The following RIMS1 variants were observed in gnomAD, a reference collection of about 807,000 sequenced individuals.
RIMS1 encodes regulating synaptic membrane exocytosis 1.
A neutral mutation model predicts 214.1 loss-of-function variants in RIMS1; 83 were observed. The ratio of observed to expected loss-of-function variants is 0.39; its 90% CI spans 0.32 to 0.47. The LOEUF (loss-of-function observed/expected upper bound fraction) is 0.47, where lower values mean the gene tolerates loss of function less well. Ranked by LOEUF, RIMS1 falls within the 20% of genes least tolerant of loss-of-function variation. The pLI, the probability that RIMS1 is intolerant of heterozygous loss-of-function variation, is 0.99. For missense variants in RIMS1, 2,050 were observed against 2,161.8 expected, an observed-to-expected ratio of 0.95 and a Z score of 1.03; for synonymous variants, 793 against 786.8, an observed-to-expected ratio of 1.01 and a Z score of -0.13.
chr6:71,991,843 C>A (rs1251344424), intron 2 of RIMS1, among the ~76,000 whole-genome samples: 1 of 152,196 alleles, frequency 6.6e-6, no homozygotes, highest in East Asian at 1.9e-4. Context: ...GTGGGTGGAT[C>A]ACCTGAGATC....
chr6:72,394,876 C>T (rs2098755545), intron 31 of RIMS1, among the ~76,000 whole-genome samples: 1 of 151,742 alleles, frequency 6.6e-6, no homozygotes, highest in South Asian at 2.1e-4. Flanking sequence ...AATGATTCAA[C>T]TAAGTAAAAA....
At chr6:72,216,479 A>G (rs998724842) in intron 6 of RIMS1, 5 of 985,338 alleles carry the variant, frequency 5.1e-6, no homozygotes, top group Middle Eastern at 5.2e-4. Context: ...TGTGTTCCCA[A>G]CAATCAATTG....
intron 1 of RIMS1, among the ~76,000 whole-genome samples, chr6:71,944,495 G>T (rs1787167694): frequency 6.6e-6 from 1 of 152,130 alleles, no homozygotes; most frequent in Admixed American, 6.6e-5. Context: ...TGAAGGCTAT[G>T]TTGAGGAAGA....
At chr6:72,145,534 C>A (rs139144170) in intron 4 of RIMS1, among the ~76,000 whole-genome samples, 11,216 of 152,186 alleles carry the variant, frequency 0.074, 464 homozygotes, top group Middle Eastern at 0.099. Context: ...ATCACTTGAA[C>A]CTGGGAGGCA....
At chr6:71,994,949 G>A (rs1802932975) in intron 2 of RIMS1, among the ~76,000 whole-genome samples, 1 of 152,158 alleles carries the variant, frequency 6.6e-6, no homozygotes, top group African/African-American at 2.4e-5. Flanking sequence ...CTAGTCTTCA[G>A]CAAAGAAATT....
intron 1 of RIMS1, among the ~76,000 whole-genome samples, chr6:71,912,897 A>G (rs1392928251): frequency 2.0e-5 from 3 of 152,192 alleles, no homozygotes; most frequent in East Asian, 1.9e-4. Flanking sequence ...ACAAAAGACC[A>G]ATACCTTTAT....
At chr6:72,149,281 A>C (rs2043182315) in intron 4 of RIMS1, among the ~76,000 whole-genome samples, 1 of 152,174 alleles carries the variant, frequency 6.6e-6, no homozygotes, top group Non-Finnish European at 1.5e-5. Flanking sequence ...ATAAAAGAAG[A>C]GCTAGCAGCC....
At chr6:72,338,226 A>G (rs1260299585) in intron 29 of RIMS1, among the ~76,000 whole-genome samples, 1 of 151,640 alleles carries the variant, frequency 6.6e-6, no homozygotes, top group African/African-American at 2.4e-5. Flanking sequence ...AAGTGTTCCT[A>G]TTTCTCCACA....
chr6:72,085,572 C>T (rs1001877883), intron 2 of RIMS1, among the ~76,000 whole-genome samples: 1 of 152,040 alleles, frequency 6.6e-6, no homozygotes, highest in Admixed American at 6.6e-5. Context: ...AATGAGATGA[C>T]AGATCTGTGA....
chr6:71,934,179 A>G (rs1368734545), intron 1 of RIMS1, among the ~76,000 whole-genome samples: 1 of 152,234 alleles, frequency 6.6e-6, no homozygotes, highest in Non-Finnish European at 1.5e-5. Flanking sequence ...GAGCACTTTT[A>G]TATCAGCTTG....
intron 4 of RIMS1, among the ~76,000 whole-genome samples, chr6:72,112,718 A>G (rs1323434102): frequency 6.6e-6 from 1 of 152,182 alleles, no homozygotes; most frequent in African/African-American, 2.4e-5. Context: ...TCCATGTAAA[A>G]TTGTAGCCAC....
intron 33 of RIMS1, among the ~76,000 whole-genome samples, chr6:72,399,335 C>G (rs2098814112): frequency 6.6e-6 from 1 of 152,066 alleles, no homozygotes; most frequent in East Asian, 1.9e-4. Flanking sequence ...TTTTCTCTCT[C>G]TATCCTCTCC....
intron 29 of RIMS1, among the ~76,000 whole-genome samples, chr6:72,361,200 G>A (rs1020931143): frequency 2.3e-4 from 32 of 140,130 alleles, no homozygotes; most frequent in African/African-American, 8.2e-4. Context: ...CACCGTCTCC[G>A]GTTCAAGCAA....
At chr6:72,160,851 T>G (rs1423502716) in intron 4 of RIMS1, among the ~76,000 whole-genome samples, 2 of 140,242 alleles carry the variant, frequency 1.4e-5, no homozygotes, top group East Asian at 4.0e-4. Context: ...TCTCTTTTTT[T>G]GTTGTGTCTC....
intron 4 of RIMS1, among the ~76,000 whole-genome samples, chr6:72,144,170 T>C (rs1434233828): frequency 2.0e-5 from 3 of 152,202 alleles, no homozygotes; most frequent in African/African-American, 7.2e-5. Flanking sequence ...ATCTATTAAG[T>C]GTTATTCAAG....
intron 28 of RIMS1, among the ~76,000 whole-genome samples, chr6:72,321,218 A>G (rs1174316548): frequency 6.6e-6 from 1 of 152,092 alleles, no homozygotes; most frequent in East Asian, 1.9e-4. Flanking sequence ...TTACTTTGTA[A>G]ACTACAACAG....
chr6:72,186,235 T>C (rs1412883404), intron 6 of RIMS1, among the ~76,000 whole-genome samples: 7 of 152,242 alleles, frequency 4.6e-5, no homozygotes. Flanking sequence ...TCACAAGTAT[T>C]GTATCAAGCA....
chr6:72,110,430 T>C (rs1202946468), intron 4 of RIMS1, among the ~76,000 whole-genome samples: 5 of 151,088 alleles, frequency 3.3e-5, no homozygotes, highest in Non-Finnish European at 5.9e-5. Flanking sequence ...CCCTTGTAAG[T>C]TGGATTCCTA....
At chr6:71,937,491 A>C (rs1784797679) in intron 1 of RIMS1, among the ~76,000 whole-genome samples, 1 of 152,124 alleles carries the variant, frequency 6.6e-6, no homozygotes, top group African/African-American at 2.4e-5. Flanking sequence ...GGGCTCAAGC[A>C]GTCTGCCTTC....
Sources: allele counts gnomAD v4.1 joint callset (sites outside exome capture counted in the v4.1 genomes callset), GRCh38; gene constraint gnomAD v4.1.1; transcripts MANE v1.5; gene names NCBI Gene and HGNC (gene_info 2026-07-23, HGNC 2026-07-21).